RIMBP2: variants seen among roughly 807,000 people sequenced by gnomAD.
The protein encoded by RIMBP2 is RIMS-binding protein 2.
A neutral mutation model predicts 118.6 loss-of-function variants in RIMBP2; 48 were observed. That is an observed-to-expected ratio of 0.40 (90% CI 0.32 to 0.51). The LOEUF (loss-of-function observed/expected upper bound fraction) is 0.51, where lower values mean the gene tolerates loss of function less well. Among genes scored for constraint, RIMBP2 ranks in the 20% least tolerant of loss-of-function variants. The probability of loss-of-function intolerance (pLI) is 0.41; values close to 1 mark genes in which losing one functional copy is unlikely to be tolerated. For synonymous variants in RIMBP2, 762 were observed against 742.9 expected, an observed-to-expected ratio of 1.03 and a Z score of -0.42; for missense variants, 1,551 against 1,768.3, an observed-to-expected ratio of 0.88 and a Z score of 2.20.
In RIMBP2 at chr12:130,520,333, TC is replaced by T; in HGVS notation, c.-216-2417del. On this transcript the variant is annotated intron_variant, in intron 2 of 22. Coordinates refer to ENST00000690449, the MANE Select transcript of RIMBP2 (RefSeq NM_001393629.1). ...ATCTTCGTCTCTTTCCAATGTAGCT[TC>T]CCAAATTGGTCCAAGCGTGAACAGG... 2.6e-5 allele frequency among the ~76,000 whole-genome samples: 4 copies of T among 152,198 alleles called. No homozygotes were observed. In the Middle Eastern group the frequency reaches 0.014, roughly 518 times the overall value.
At chr12:130,436,260 A>G (rs770062139) in intron 13 of RIMBP2, among the ~76,000 whole-genome samples, 2 of 152,168 alleles carry the variant, frequency 1.3e-5, no homozygotes, top group Non-Finnish European at 2.9e-5. Flanking sequence ...TCTCTCCTGG[A>G]CCCAGAAAAG....
intron 1 of RIMBP2, among the ~76,000 whole-genome samples, chr12:130,647,121 G>T (rs2063020666): frequency 6.6e-6 from 1 of 152,208 alleles, no homozygotes; most frequent in Non-Finnish European, 1.5e-5. Context: ...GCCCTGGGAA[G>T]TAAATAAGCA....
intron 2 of RIMBP2, among the ~76,000 whole-genome samples, chr12:130,575,715 G>A (rs139767161): frequency 1.3e-5 from 2 of 152,324 alleles, no homozygotes; most frequent in East Asian, 3.9e-4. Flanking sequence ...GCACCATGAA[G>A]GGGATGGAGG....
chr12:130,445,371 C>G, intron 9 of RIMBP2, 102 bp from the exon 10 acceptor site: 1 of 725,058 alleles, frequency 1.4e-6, no homozygotes, highest in Non-Finnish European at 2.3e-6. Context: ...CTCTCCCACT[C>G]CTAGGGAATT....
intron 1 of RIMBP2, among the ~76,000 whole-genome samples, chr12:130,646,057 CACCACCT>C (rs2062871589): frequency 1.6e-5 from 2 of 126,500 alleles, no homozygotes; most frequent in Non-Finnish European, 3.6e-5. Context: ...CCACCTCCCT[CACCACCT>C]GCCTCTCCAC....
chr12:130,430,404 C>T (rs1406783993), intron 14 of RIMBP2: 6 of 152,138 alleles, frequency 3.9e-5, no homozygotes, highest in South Asian at 2.1e-4. Flanking sequence ...AAAGCCTCCA[C>T]GAGACAGGAT....
intron 1 of RIMBP2, among the ~76,000 whole-genome samples, chr12:130,646,884 A>T (rs906291760): frequency 4.6e-5 from 7 of 152,232 alleles, no homozygotes; most frequent in African/African-American, 1.7e-4. Context: ...ACAGTGGGTG[A>T]GGACGCCCAG....
intron 7 of RIMBP2, among the ~76,000 whole-genome samples, chr12:130,452,208 C>T (rs1035365365): frequency 6.6e-6 from 1 of 152,184 alleles, no homozygotes; most frequent in African/African-American, 2.4e-5. Context: ...CTGTAGCTGT[C>T]ACATCATGAC....
chr12:130,689,806 G>T (rs927685589), intron 1 of RIMBP2, among the ~76,000 whole-genome samples: 1 of 152,212 alleles, frequency 6.6e-6, no homozygotes. Flanking sequence ...AATGATCACA[G>T]ATGGCGGCTT....
In RIMBP2 at chr12:130,424,811, G is replaced by A. The variant is rs559247989; in HGVS notation, c.2460C>T (p.Pro820=). 275 of 1,232,722 alleles carry A rather than the reference G, an allele frequency of 2.2e-4. No individual in the cohort carries two copies. The highest frequency in any genetic ancestry group is 8.4e-4 in the Admixed American group (20 of 23,718). 76.4% of individuals were successfully genotyped at this position (1,232,722 alleles called of 1,614,324 possible). ...TCCTGTGGGGCTGGTGGGGAAACTC[G>A]GGCTGCTCCCAGAAAGTGCCTTCCG... is the stretch of plus-strand genomic sequence containing the variant. ...RTSEGTFWEQ[P]EFPHQPHRKR... The change falls in exon 16 of 23, where the codon CCC becomes CCT. Residue 820 remains proline (P), a synonymous_variant. Coordinates refer to ENST00000690449, the MANE Select transcript of RIMBP2 (RefSeq NM_001393629.1). This position sits in a 1 kb window ranked among gnomAD's most constrained non-coding sequence, Gnocchi z 9.8.
chr12:130,460,256 C>T (rs1257163392), intron 6 of RIMBP2, among the ~76,000 whole-genome samples: 4 of 152,166 alleles, frequency 2.6e-5, no homozygotes, highest in Admixed American at 6.5e-5. Context: ...CTCCAGGCCC[C>T]ACTCTGTGCA....
At chr12:130,579,190 C>T (rs1415922958) in intron 2 of RIMBP2, among the ~76,000 whole-genome samples, 1 of 152,126 alleles carries the variant, frequency 6.6e-6, no homozygotes, top group African/African-American at 2.4e-5. Context: ...GCTGGTTGTG[C>T]GATCTTGGAT....
chr12:130,463,711 CA>C (rs919545470), intron 6 of RIMBP2, among the ~76,000 whole-genome samples: 1 of 152,120 alleles, frequency 6.6e-6, no homozygotes, highest in African/African-American at 2.4e-5. Context: ...GTTCAAACCA[CA>C]GCGACTCCAT....
At chr12:130,559,427 A>T (rs761070455) in intron 2 of RIMBP2, among the ~76,000 whole-genome samples, 1 of 152,040 alleles carries the variant, frequency 6.6e-6, no homozygotes, top group African/African-American at 2.4e-5. Context: ...TTGTCTTTCA[A>T]TGCCTGGCTT....
At chr12:130,503,400 G>A (rs4759485) in intron 4 of RIMBP2, among the ~76,000 whole-genome samples, 104,736 of 137,064 alleles carry the variant, frequency 0.76, 36,959 homozygotes, top group East Asian at 0.9. Flanking sequence ...CATCTAAAAA[G>A]AAAAAACAAA....
At chr12:130,437,957 T>A (rs2137057152) in intron 12 of RIMBP2, among the ~76,000 whole-genome samples, 1 of 152,334 alleles carries the variant, frequency 6.6e-6, no homozygotes, top group African/African-American at 2.4e-5. Context: ...TACCCATTTC[T>A]TGGAGTCAAG....
intron 2 of RIMBP2, among the ~76,000 whole-genome samples, chr12:130,567,600 G>C (rs372043214): frequency 1.3e-5 from 2 of 152,140 alleles, no homozygotes; most frequent in Admixed American, 1.3e-4. Flanking sequence ...ACTGGGCATC[G>C]GCACGTCCCT....
intron 18 of RIMBP2, among the ~76,000 whole-genome samples, chr12:130,413,138 C>A (rs529373274): frequency 6.6e-6 from 1 of 152,244 alleles, no homozygotes; most frequent in East Asian, 1.9e-4. Context: ...GTAGGCTGCA[C>A]AAAGTGGTGT....
intron 4 of RIMBP2, among the ~76,000 whole-genome samples, chr12:130,485,080 C>T (rs2082364998): frequency 1.3e-5 from 2 of 152,244 alleles, no homozygotes; most frequent in South Asian, 2.1e-4. Context: ...ACGTGTGTAG[C>T]CCTGTGTGAT....
Sources: gnomAD v4.1 joint callset for allele counts (sites outside exome capture counted in the v4.1 genomes callset) on GRCh38, gnomAD v4.1.1 for gene constraint, Gnocchi (gnomAD v3.1) non-coding constraint, MANE v1.5 for transcripts, NCBI Gene and HGNC (gene_info 2026-07-23, HGNC 2026-07-21) for gene names.